The following MTFMT variants were observed in gnomAD, a reference collection of about 807,000 sequenced individuals.
MTFMT encodes mitochondrial methionyl-tRNA formyltransferase.
A neutral mutation model predicts 51.8 loss-of-function variants in MTFMT; 47 were observed. The ratio of observed to expected loss-of-function variants is 0.91; its 90% CI spans 0.72 to 1.16. The LOEUF (loss-of-function observed/expected upper bound fraction) is 1.16. MTFMT is among the 50% of genes most tolerant of loss of function. MTFMT has a pLI of 0.00. For synonymous variants in MTFMT, 196 were observed against 176.7 expected, an observed-to-expected ratio of 1.11 and a Z score of -0.87; for missense variants, 512 against 482.3, an observed-to-expected ratio of 1.06 and a Z score of -0.58.
chr15:65,024,402 A>C (rs192882999), intron 2 of MTFMT, among the ~76,000 whole-genome samples: 2 of 152,276 alleles, frequency 1.3e-5, no homozygotes, highest in African/African-American at 4.8e-5. Context: ...TAAGAGAACC[A>C]CTCAAACCCT....
chr15:65,008,844 T>C (rs1279781909), intron 6 of MTFMT, among the ~76,000 whole-genome samples: 1 of 152,204 alleles, frequency 6.6e-6, no homozygotes, highest in African/African-American at 2.4e-5. Flanking sequence ...TGAAACATGC[T>C]TACTGACTAA....
chr15:65,020,378 T>G, intron 4 of MTFMT, 106 bp from the exon 5 acceptor site: 1 of 956,260 alleles, frequency 1.0e-6, no homozygotes, highest in South Asian at 1.7e-5. Flanking sequence ...ACTTTTTTTC[T>G]TTTTCTTTTT....
chr15:65,012,559 C>T (rs2086279220), intron 6 of MTFMT, among the ~76,000 whole-genome samples: 1 of 152,044 alleles, frequency 6.6e-6, no homozygotes, highest in South Asian at 2.1e-4. Flanking sequence ...CCATATCTGG[C>T]TAATTTTTGT....
At position 65,002,962 on chromosome 15, in the gene MTFMT, CAAAAAAAAAA is replaced by C. The variant is rs398027674; in HGVS notation, c.*90_*99del. On this transcript the variant is annotated 3_prime_UTR_variant, in exon 9 of 9. Coordinates refer to ENST00000220058, the MANE Select transcript of MTFMT (RefSeq NM_139242.4). Reference sequence around the variant, plus strand: ...TGGGTGACAGAGTGAGACTCTGTCTCAAAAAAAAAAAAAAAAAAAAAAGTCCAGATAATTC... The same window carrying C: ...TGGGTGACAGAGTGAGACTCTGTCTCAAAAAAAAAAAAGTCCAGATAATTC... 11 of 325,764 alleles carry C rather than the reference CAAAAAAAAAA, an allele frequency of 3.4e-5. No individual in the cohort carries two copies. The highest frequency in any genetic ancestry group is 8.4e-5 in the South Asian group (1 of 11,848). 20.2% of individuals were successfully genotyped at this position (325,764 alleles called of 1,614,324 possible). A position where few individuals can be genotyped will look rare whatever the true frequency, so the allele number is the denominator to read the frequency against.
intron 6 of MTFMT, among the ~76,000 whole-genome samples, chr15:65,013,215 C>T (rs989005956): frequency 2.6e-5 from 4 of 152,024 alleles, no homozygotes; most frequent in African/African-American, 9.7e-5. Context: ...TTTGAGAGCG[C>T]AGACATCTTT....
intron 6 of MTFMT, among the ~76,000 whole-genome samples, chr15:65,006,676 G>A (rs935588438): frequency 2.6e-5 from 4 of 151,916 alleles, no homozygotes; most frequent in African/African-American, 4.8e-5. Context: ...GCGCCCGGCC[G>A]ATTTATAAGA....
chr15:65,006,382 T>C (rs532119940), intron 6 of MTFMT, among the ~76,000 whole-genome samples, 191 bp from the exon 7 acceptor site: 1 of 151,246 alleles, frequency 6.6e-6, no homozygotes, highest in East Asian at 1.9e-4. Context: ...TAAGATCTTT[T>C]TTTTTTTTTT....
Position 65,004,945 on chromosome 15 carries a change from T to G in MTFMT, c.893-9A>C. 1 of 1,596,460 alleles carries G rather than the reference T, an allele frequency of 6.3e-7. No individual in the cohort carries two copies. The highest frequency in any genetic ancestry group is 8.6e-7 in the Non-Finnish European group (1 of 1,164,910). ...TCCCGTTAATTTTGGATCTGAAGAATGGAAAAAAGAAAAGATATACAAGAG... is the reference window on the plus strand; with the variant it reads ...TCCCGTTAATTTTGGATCTGAAGAAGGGAAAAAAGAAAAGATATACAAGAG... On this transcript the variant is annotated splice_polypyrimidine_tract_variant and intron_variant, in intron 7 of 8. Transcript: ENST00000220058.
chr15:65,014,224 G>C (rs1433015564), intron 6 of MTFMT, among the ~76,000 whole-genome samples: 3 of 151,826 alleles, frequency 2.0e-5, no homozygotes, highest in African/African-American at 7.3e-5. Context: ...TTAAGTGTCA[G>C]AAAGAGGCTT....
chr15:65,006,822 C>T (rs1017189416), intron 6 of MTFMT, among the ~76,000 whole-genome samples: 5 of 152,072 alleles, frequency 3.3e-5, no homozygotes, highest in African/African-American at 9.7e-5. Context: ...TGTATTTATT[C>T]CCATCCCTAT....
chr15:65,021,574 C>A lies in MTFMT; in HGVS notation c.585G>T (p.Val195=). Residue 195 remains valine, a synonymous_variant, in exon 4 of 9, where the codon GTG becomes GTT. Transcript: ENST00000220058. ...ATTCCTTTGCAGTGCTCTTGGGTGG[C>A]ACAGGAACAGTTTCTTGTTTGAGAA... ...GPILKQETVP[V]PPKSTAKELE... 2 of 1,598,444 alleles carry A rather than the reference C, an allele frequency of 1.3e-6. No individual in the cohort carries two copies. Among genetic ancestry groups the A allele is most frequent in the Non-Finnish European group, 1.7e-6 (2 of 1,167,724 alleles).
chr15:65,003,628 G>A (rs147882654), intron 8 of MTFMT, among the ~76,000 whole-genome samples: 141 of 151,082 alleles, frequency 9.3e-4, no homozygotes, highest in African/African-American at 3.3e-3. Context: ...AGGCCGAGGC[G>A]GGTGGATCAC....
chr15:65,024,760 A>C (rs2086407507), intron 2 of MTFMT, among the ~76,000 whole-genome samples: 1 of 152,214 alleles, frequency 6.6e-6, no homozygotes, highest in South Asian at 2.1e-4. Context: ...AAAAAACAAA[A>C]TATGTACAAG....
intron 5 of MTFMT, among the ~76,000 whole-genome samples, chr15:65,019,718 A>C (rs1270061895): frequency 1.3e-5 from 2 of 152,222 alleles, no homozygotes; most frequent in Non-Finnish European, 2.9e-5. Flanking sequence ...ATAAAACTAT[A>C]AAATAAATTT....
chr15:65,023,382 C>T (rs2086392126), intron 3 of MTFMT, among the ~76,000 whole-genome samples: 1 of 152,162 alleles, frequency 6.6e-6, no homozygotes, highest in Non-Finnish European at 1.5e-5. Context: ...AAAAATCCAT[C>T]TCTCATTTAT....
intron 2 of MTFMT, among the ~76,000 whole-genome samples, chr15:65,025,721 T>C (rs2140489861): frequency 6.6e-6 from 1 of 152,274 alleles, no homozygotes; most frequent in South Asian, 2.1e-4. Flanking sequence ...TTTGGGTATC[T>C]TGAATGTAAA....
chr15:65,016,546 A>C lies in MTFMT; in HGVS notation c.722-19T>G. 6.5e-7 allele frequency: 1 copy of C among 1,537,746 alleles called. No individual in the cohort carries two copies. The highest frequency in any genetic ancestry group is 1.1e-5 in the South Asian group (1 of 89,014). ...TTAGGGGCTACAAGATAAAACCAAGAGCAAAAATGAACATCAGGGTCAGTG... is the reference window on the plus strand; with the variant it reads ...TTAGGGGCTACAAGATAAAACCAAGCGCAAAAATGAACATCAGGGTCAGTG... On this transcript the variant is annotated intron_variant, in intron 5 of 8. Transcript: ENST00000220058.
intron 7 of MTFMT, among the ~76,000 whole-genome samples, chr15:65,005,360 G>A (rs1447471437): frequency 1.3e-5 from 2 of 152,170 alleles, no homozygotes; most frequent in Non-Finnish European, 2.9e-5. Context: ...TTCCTCTGTG[G>A]CTCACATTCC....
At position 65,002,210 on chromosome 15, in the gene MTFMT, AAC is replaced by A. The variant is rs1425317277; in HGVS notation, c.*850_*851del. 6.6e-6 allele frequency: 1 copy of A among 151,942 alleles called. No homozygotes were observed. Among genetic ancestry groups the A allele is most frequent in the African/African-American group, 2.4e-5 (1 of 41,328 alleles). The allele number at this position is 151,942 out of a possible 1,614,324, so 9.4% of individuals were successfully genotyped here. A position where few individuals can be genotyped will look rare whatever the true frequency, so the allele number is the denominator to read the frequency against. On this transcript the variant is annotated 3_prime_UTR_variant, in exon 9 of 9. Coordinates refer to ENST00000220058, the MANE Select transcript of MTFMT (RefSeq NM_139242.4). ...TCAGGAGATCAAGACCATCCTGGCTAACACAGTGAAACCCCATCTCTACTAAA... is the reference window on the plus strand; with the variant it reads ...TCAGGAGATCAAGACCATCCTGGCTAACAGTGAAACCCCATCTCTACTAAA...
Sources: allele counts gnomAD v4.1 joint callset (sites outside exome capture counted in the v4.1 genomes callset), GRCh38; gene constraint gnomAD v4.1.1; transcripts MANE v1.5; gene names NCBI Gene and HGNC (gene_info 2026-07-23, HGNC 2026-07-21).